The following XKR6 variants were observed in gnomAD, a reference collection of about 807,000 sequenced individuals.
XKR6 encodes XK-related protein 6.
Under a neutral mutation model 56.7 loss-of-function variants are expected in XKR6, and 22 were observed. The observed-to-expected ratio is 0.39, with a 90% CI of 0.28 to 0.55. The LOEUF is 0.55. Among genes scored for constraint, XKR6 ranks in the 20% least tolerant of loss-of-function variants. The pLI, the probability that XKR6 is intolerant of heterozygous loss-of-function variation, is 0.66. For missense variants in XKR6, 852 were observed against 889.0 expected, an observed-to-expected ratio of 0.96 and a Z score of 0.53; for synonymous variants, 524 against 387.8, an observed-to-expected ratio of 1.35 and a Z score of -4.13.
chr8:11,177,533 G>C (rs1440585214), intron 1 of XKR6, among the ~76,000 whole-genome samples: 3 of 152,172 alleles, frequency 2.0e-5, no homozygotes, highest in African/African-American at 7.2e-5. Flanking sequence ...TTTGGAAATA[G>C]GGTCACTGTA....
At chr8:10,963,250 T>C (rs866383705) in intron 1 of XKR6, among the ~76,000 whole-genome samples, 22 of 152,372 alleles carry the variant, frequency 1.4e-4, no homozygotes, top group African/African-American at 5.3e-4. Context: ...TGACTGGCTC[T>C]GCCTCAGGGC....
At chr8:11,117,582 G>A (rs1027021307) in intron 1 of XKR6, among the ~76,000 whole-genome samples, 7 of 152,000 alleles carry the variant, frequency 4.6e-5, no homozygotes, top group African/African-American at 1.7e-4. Context: ...CTGAAAATGT[G>A]AAACCATAAA....
intron 1 of XKR6, among the ~76,000 whole-genome samples, chr8:11,173,391 A>G (rs1242373501): frequency 7.3e-5 from 11 of 150,070 alleles, no homozygotes; most frequent in Non-Finnish European, 4.4e-5. Flanking sequence ...ACACACAAAT[A>G]TATATACATA....
At position 11,171,147 on chromosome 8, in the gene XKR6, T is replaced by A. The variant is rs144765809; in HGVS notation, c.764+29429A>T. On this transcript the variant is annotated intron_variant, in intron 1 of 2. Coordinates refer to ENST00000416569, the MANE Select transcript of XKR6 (RefSeq NM_173683.4). ...GCCTGGTTGGGTAGAAGGACAGAACTGCTAAGAAAGAAAGGATCTGCTGAA... is the reference window on the plus strand; with the variant it reads ...GCCTGGTTGGGTAGAAGGACAGAACAGCTAAGAAAGAAAGGATCTGCTGAA... Among the ~76,000 whole-genome samples the A allele has an allele frequency of 6.6e-3, 1,003 of 152,340 alleles. 11 individuals are homozygous for A. The highest frequency in any genetic ancestry group is 0.022 in the African/African-American group (934 of 41,570).
rs1247214180 is a variant in XKR6, at chr8:11,200,774, G to A, written c.566C>T (p.Thr189Met). 1 of 1,604,610 alleles carries A rather than the reference G, an allele frequency of 6.2e-7. No homozygotes were observed. Among genetic ancestry groups the A allele is most frequent in the Middle Eastern group, 1.7e-4 (1 of 6,032 alleles). The change falls in exon 1 of 3, where the codon ACG (threonine) becomes ATG (methionine). Residue 189 changes from threonine (T) to methionine (M), a missense_variant. This residue lies in a region of XKR6 where 417 missense variants were observed against 355.2 expected (regional missense o/e 1.17). Transcript: ENST00000416569. The surrounding 1 kb of genome is among the most constrained non-coding windows in gnomAD (Gnocchi z 6.4). ...LSFRWFVQDYTGGGLGAVEGL... is the reference protein window; with the variant it reads ...LSFRWFVQDYMGGGLGAVEGL... ...CTCCACGGCGCCCAGCCCGCCGCCC[G>A]TGTAGTCCTGCACGAACCAGCGGAA...
At chr8:10,912,044 A>G (rs1180861188) in intron 2 of XKR6, among the ~76,000 whole-genome samples, 1 of 150,566 alleles carries the variant, frequency 6.6e-6, no homozygotes, top group Non-Finnish European at 1.5e-5. Context: ...ATATACACAC[A>G]TATTTATGCA....
At chr8:10,960,670 C>T (rs1363842182) in intron 1 of XKR6, among the ~76,000 whole-genome samples, 1 of 152,176 alleles carries the variant, frequency 6.6e-6, no homozygotes, top group Non-Finnish European at 1.5e-5. Context: ...AGGATTTGTC[C>T]AGGGTCACGG....
chr8:11,086,102 C>T (rs1797878041), intron 1 of XKR6, among the ~76,000 whole-genome samples: 1 of 149,120 alleles, frequency 6.7e-6, no homozygotes, highest in East Asian at 1.9e-4. Context: ...AAGAATAGGA[C>T]CAGAACTCAA....
At chr8:11,147,339 A>T (rs1259110290) in intron 1 of XKR6, among the ~76,000 whole-genome samples, 1 of 152,198 alleles carries the variant, frequency 6.6e-6, no homozygotes, top group Non-Finnish European at 1.5e-5. Context: ...AAACATGTGC[A>T]TGAAATCTCA....
At chr8:11,124,302 C>G in intron 1 of XKR6, 1 of 338,148 alleles carries the variant, frequency 3.0e-6, no homozygotes, top group Non-Finnish European at 5.8e-6. Flanking sequence ...AAGTTTCTAC[C>G]CTTCATTTCT....
chr8:11,039,932 C>T lies in XKR6; in HGVS notation c.765-115102G>A, dbSNP rs140896781. The stretch of plus-strand genomic sequence containing the variant: ...AAGCTTCCTGTCCATGCCTTAAAAG[C>T]ATAACTCGTTAACTGCTAAGGTGCT... On this transcript the variant is annotated intron_variant, in intron 1 of 2. Transcript: ENST00000416569. Among the ~76,000 whole-genome samples, 349 of 152,360 alleles carry T rather than the reference C, an allele frequency of 2.3e-3. 2 individuals carry two copies. Among genetic ancestry groups the T allele is most frequent in the African/African-American group, 6.0e-3 (249 of 41,588 alleles).
At chr8:11,166,417 A>C (rs1222546046) in intron 1 of XKR6, among the ~76,000 whole-genome samples, 1 of 152,134 alleles carries the variant, frequency 6.6e-6, no homozygotes, top group Non-Finnish European at 1.5e-5. Flanking sequence ...CAAACCCCCA[A>C]GAACTGTGAG....
intron 1 of XKR6, among the ~76,000 whole-genome samples, chr8:10,947,846 A>T (rs1214962915): frequency 6.6e-6 from 1 of 152,116 alleles, no homozygotes; most frequent in Admixed American, 6.5e-5. Flanking sequence ...GGCTTTGGGG[A>T]TGTGATCACA....
At chr8:10,990,724 C>T (rs931463446) in intron 1 of XKR6, among the ~76,000 whole-genome samples, 3 of 151,892 alleles carry the variant, frequency 2.0e-5, no homozygotes, top group Non-Finnish European at 4.4e-5. Context: ...GGACCACAGG[C>T]ATGCACCACC....
intron 1 of XKR6, among the ~76,000 whole-genome samples, chr8:11,116,842 ACAACAACTG>A (rs1792502763): frequency 6.6e-6 from 1 of 152,130 alleles, no homozygotes. Flanking sequence ...GTTACAGTCG[ACAACAACTG>A]CGACACTGTC....
intron 1 of XKR6, among the ~76,000 whole-genome samples, chr8:11,092,805 G>C (rs1162690577): frequency 6.6e-6 from 1 of 152,164 alleles, no homozygotes; most frequent in African/African-American, 2.4e-5. Context: ...CAATAAATAG[G>C]TTTCTCGCCA....
chr8:10,996,855 C>A (rs1450460060), intron 1 of XKR6, among the ~76,000 whole-genome samples: 1 of 152,116 alleles, frequency 6.6e-6, no homozygotes, highest in African/African-American at 2.4e-5. Context: ...ATAGTCCCAG[C>A]AGCTCAGGAG....
chr8:10,924,295 T>C lies in XKR6; in HGVS notation c.961+339A>G, dbSNP rs60721992. On this transcript the variant is annotated intron_variant, in intron 2 of 2. Coordinates refer to ENST00000416569, the MANE Select transcript of XKR6 (RefSeq NM_173683.4). ...GGTCTGTGGCTTCCCCTCCCATAGA[T>C]GTGCAAATGCCTGGCTCAGGTCAGC... Among the ~76,000 whole-genome samples the C allele has an allele frequency of 3.1e-3, 475 of 152,354 alleles. 2 individuals carry two copies. The highest frequency in any genetic ancestry group is 0.011 in the African/African-American group (460 of 41,584).
intron 2 of XKR6, among the ~76,000 whole-genome samples, chr8:10,904,380 G>C (rs897813593): frequency 3.3e-5 from 5 of 152,194 alleles, no homozygotes; most frequent in Non-Finnish European, 7.3e-5. Flanking sequence ...TCCAGAAATG[G>C]AACGGCCACA....
Sources: allele counts gnomAD v4.1 joint callset (sites outside exome capture counted in the v4.1 genomes callset), GRCh38; gene constraint gnomAD v4.1.1; regional missense constraint gnomAD v4.1.1; non-coding constraint Gnocchi (gnomAD v3.1); transcripts MANE v1.5; gene names NCBI Gene and HGNC (gene_info 2026-07-23, HGNC 2026-07-21).